TPRG1: variants seen among roughly 807,000 people sequenced by gnomAD.
The protein encoded by TPRG1 is tumor protein p63-regulated gene 1 protein.
TPRG1 carries 29 observed loss-of-function variants against 29.3 expected under a neutral mutation model. That is an observed-to-expected ratio of 0.99 (90% CI 0.74 to 1.35). The LOEUF (loss-of-function observed/expected upper bound fraction) is 1.35. Among genes scored for constraint, TPRG1 ranks in the 40% most tolerant of loss-of-function variants. The pLI, the probability that TPRG1 is intolerant of heterozygous loss-of-function variation, is 0.00. For missense variants in TPRG1, 327 were observed against 335.0 expected (o/e 0.98, Z 0.19); for synonymous variants, 130 against 116.8 (o/e 1.11, Z -0.73).
intron 4 of TPRG1, among the ~76,000 whole-genome samples, chr3:189,053,167 C>A (rs998256537): frequency 1.3e-5 from 2 of 152,180 alleles, no homozygotes; most frequent in African/African-American, 4.8e-5. Flanking sequence ...GCTCCTATAT[C>A]AGCACTTGCT....
In TPRG1 at chr3:189,060,953, T is replaced by G. The variant is rs559524631; in HGVS notation, c.-463+37007T>G. 2.0e-5 allele frequency among the ~76,000 whole-genome samples: 3 copies of G among 152,136 alleles called. No homozygotes were observed. The South Asian group carries it at 6.2e-4, about 32-fold the overall frequency. On this transcript the variant is annotated intron_variant, in intron 4 of 10. Transcript: ENST00000433971. ...GAACTAGAAAAAAACTATTTAAAAA[T>G]TCATATGGAACCAAAAAAGAGCCTG... is the stretch of plus-strand genomic sequence containing the variant.
rs951442676 is a variant in TPRG1 at position 189,322,930 on chromosome 3, G to A, written c.*2110G>A. 4 of 152,072 alleles carry A rather than the reference G, an allele frequency of 2.6e-5. No individual in the cohort carries two copies. The highest frequency in any genetic ancestry group is 6.6e-5 in the Admixed American group (1 of 15,240). 9.4% of individuals were successfully genotyped at this position (152,072 alleles called of 1,614,324 possible). On this transcript the variant is annotated 3_prime_UTR_variant, in exon 6 of 6. Coordinates refer to ENST00000345063, the MANE Select transcript of TPRG1 (RefSeq NM_198485.4). ...GAGTGAACTCAGAGACGACAAGAGG[G>A]TCTTTATGAATTCCCTTCACATTTT...
In TPRG1 at chr3:189,172,123, C is replaced by G. The variant is rs1194291237; in HGVS notation, c.-18C>G. ...GAGAAAGAAGAGCCTTGAGGACCAG[C>G]CTAGTCAGGTAAGATCAAGTGGCTT... On this transcript the variant is annotated 5_prime_UTR_variant, in exon 1 of 6. Transcript: ENST00000345063. The G allele has an allele frequency of 1.3e-5, 2 of 152,194 alleles. No homozygotes were observed. Among genetic ancestry groups the G allele is most frequent in the Non-Finnish European group, 2.9e-5 (2 of 68,104 alleles). The allele number at this position is 152,194 out of a possible 1,614,324, so 9.4% of individuals were successfully genotyped here.
chr3:189,009,464 A>G (rs1712479311), intron 3 of TPRG1, among the ~76,000 whole-genome samples: 1 of 152,124 alleles, frequency 6.6e-6, no homozygotes, highest in African/African-American at 2.4e-5. Context: ...AGACCCTTTA[A>G]GGAGGGCCTG....
intron 4 of TPRG1, among the ~76,000 whole-genome samples, chr3:189,031,689 A>G (rs1713942455): frequency 6.6e-6 from 1 of 152,200 alleles, no homozygotes; most frequent in East Asian, 1.9e-4. Context: ...AGTGTTCTTT[A>G]ATGAGACGGT....
In TPRG1 at chr3:189,320,740, A is replaced by G. The variant is rs775765470; in HGVS notation, c.748A>G (p.Thr250Ala). The G allele has an allele frequency of 6.2e-7, 1 of 1,612,854 alleles. No homozygotes were observed. The highest frequency in any genetic ancestry group is 2.2e-5 in the East Asian group (1 of 44,794). The change falls in exon 6 of 6, where the codon ACC becomes GCC. Residue 250 changes from threonine to alanine, a missense_variant. Transcript: ENST00000345063. ...MVLTEPILIE[T>A]YTGLMSFIGN... Reference sequence around the variant, plus strand: ...GTTAACTGAACCCATTTTGATTGAGACCTACACAGGGCTGATGTCATTCAT... The same window carrying G: ...GTTAACTGAACCCATTTTGATTGAGGCCTACACAGGGCTGATGTCATTCAT...
intron 3 of TPRG1, among the ~76,000 whole-genome samples, chr3:189,222,029 C>A (rs942408361): frequency 6.6e-6 from 1 of 151,770 alleles, no homozygotes; most frequent in Non-Finnish European, 1.5e-5. Flanking sequence ...GTTAAATAAT[C>A]TTTGTGCCTG....
intron 4 of TPRG1, among the ~76,000 whole-genome samples, chr3:189,043,179 T>C (rs1714738916): frequency 6.6e-6 from 1 of 152,194 alleles, no homozygotes; most frequent in Non-Finnish European, 1.5e-5. Flanking sequence ...AACCGAAAGA[T>C]GAATCTAAAC....
At chr3:189,051,413 A>C (rs1050012394) in intron 4 of TPRG1, among the ~76,000 whole-genome samples, 1 of 152,170 alleles carries the variant, frequency 6.6e-6, no homozygotes, top group Non-Finnish European at 1.5e-5. Flanking sequence ...TCTGCAAGGA[A>C]AACTACGAAA....
At chr3:189,290,449 G>A (rs1157884899) in intron 4 of TPRG1, among the ~76,000 whole-genome samples, 1 of 152,234 alleles carries the variant, frequency 6.6e-6, no homozygotes, top group Admixed American at 6.5e-5. Context: ...AAATATGGAA[G>A]ATGACTTGAT....
chr3:189,083,331 G>A (rs556770380), intron 4 of TPRG1, among the ~76,000 whole-genome samples: 2 of 152,202 alleles, frequency 1.3e-5, no homozygotes, highest in African/African-American at 4.8e-5. Context: ...GGCTTCTCCT[G>A]GGGGGTTTGT....
intron 5 of TPRG1, among the ~76,000 whole-genome samples, chr3:189,313,999 A>C: frequency 6.6e-6 from 1 of 152,208 alleles, no homozygotes; most frequent in East Asian, 1.9e-4. Context: ...AGCAGTAGGA[A>C]GGGAAAGAAG....
chr3:189,250,284 A>C (rs1250150905), intron 4 of TPRG1, among the ~76,000 whole-genome samples: 1 of 152,186 alleles, frequency 6.6e-6, no homozygotes, highest in African/African-American at 2.4e-5. Flanking sequence ...TGTACTGCTC[A>C]GGGATTTTTA....
intron 1 of TPRG1, among the ~76,000 whole-genome samples, chr3:188,998,819 G>C (rs1480071179): frequency 6.6e-6 from 1 of 152,162 alleles, no homozygotes; most frequent in Non-Finnish European, 1.5e-5. Context: ...GGCTGAGGGG[G>C]TGTGGGAGGA....
intron 3 of TPRG1, among the ~76,000 whole-genome samples, chr3:189,141,695 T>C (rs971209072): frequency 6.6e-6 from 1 of 152,236 alleles, no homozygotes; most frequent in Non-Finnish European, 1.5e-5. Context: ...CCAGTATTAC[T>C]GGATCTACAA....
intron 4 of TPRG1, among the ~76,000 whole-genome samples, chr3:189,297,101 C>T (rs969592168): frequency 6.6e-6 from 1 of 152,148 alleles, no homozygotes; most frequent in African/African-American, 2.4e-5. Flanking sequence ...CCACCTCAGC[C>T]TCACGAGTAG....
intron 3 of TPRG1, among the ~76,000 whole-genome samples, chr3:189,229,608 A>C (rs543173846): frequency 6.6e-6 from 1 of 152,338 alleles, no homozygotes; most frequent in South Asian, 2.1e-4. Context: ...GGAAGTAAAG[A>C]GGAATGAATA....
intron 1 of TPRG1, among the ~76,000 whole-genome samples, chr3:189,183,493 C>T (rs1730512410): frequency 6.6e-6 from 1 of 152,078 alleles, no homozygotes; most frequent in Non-Finnish European, 1.5e-5. Flanking sequence ...CAGGAATTTC[C>T]TCTTCCTAAT....
intron 4 of TPRG1, among the ~76,000 whole-genome samples, chr3:189,294,719 A>G (rs1287772806): frequency 6.6e-6 from 1 of 152,344 alleles, no homozygotes; most frequent in Non-Finnish European, 1.5e-5. Flanking sequence ...TAAGATTTCT[A>G]TAATATTTGA....
Sources: allele counts gnomAD v4.1 joint callset (sites outside exome capture counted in the v4.1 genomes callset), GRCh38; gene constraint gnomAD v4.1.1; transcripts MANE v1.5; gene names NCBI Gene and HGNC (gene_info 2026-07-23, HGNC 2026-07-21).